PRKCE: variants seen among roughly 807,000 people sequenced by gnomAD.
The protein encoded by PRKCE is protein kinase C epsilon.
In PRKCE, 16 loss-of-function variants were observed where a neutral mutation model predicts 85.4. That is an observed-to-expected ratio of 0.19 (90% CI 0.13 to 0.28). The LOEUF (loss-of-function observed/expected upper bound fraction) is 0.28. PRKCE is among the 10% of genes least tolerant of loss of function. The probability of loss-of-function intolerance (pLI) is 1.00; values close to 1 mark genes in which losing one functional copy is unlikely to be tolerated. For missense variants in PRKCE, 573 were observed against 975.2 expected (o/e 0.59, Z 5.49); for synonymous variants, 388 against 371.5 (o/e 1.04, Z -0.51).
intron 2 of PRKCE, among the ~76,000 whole-genome samples, chr2:45,898,177 A>G (rs1035359350): frequency 1.3e-5 from 2 of 152,056 alleles, no homozygotes; most frequent in African/African-American, 4.8e-5. Flanking sequence ...TAAAATCACA[A>G]CTCATCGCTT....
intron 1 of PRKCE, among the ~76,000 whole-genome samples, chr2:45,657,342 A>C (rs1407850253): frequency 6.6e-6 from 1 of 152,160 alleles, no homozygotes; most frequent in Non-Finnish European, 1.5e-5. Context: ...ACCTTTAGCG[A>C]GTGACTTAAC....
intron 2 of PRKCE, chr2:45,851,716 A>G (rs1558751391): frequency 6.6e-6 from 1 of 152,262 alleles, no homozygotes; most frequent in Non-Finnish European, 1.5e-5. Flanking sequence ...AGAGGCTACA[A>G]GAGGCTCCAG....
chr2:46,072,106 A>G (rs1668131302), intron 10 of PRKCE, among the ~76,000 whole-genome samples: 1 of 152,256 alleles, frequency 6.6e-6, no homozygotes, highest in Non-Finnish European at 1.5e-5. Context: ...GTAAATCTGA[A>G]TGGAAATATG....
chr2:45,963,287 A>G lies in PRKCE; in HGVS notation c.413-13142A>G, dbSNP rs1045747994. The stretch of plus-strand genomic sequence containing the variant: ...TAATTACCAGCTCAGACTGGGTGGC[A>G]TAATAATCATCTTTACTTGTTTTTA... On this transcript the variant is annotated intron_variant, in intron 2 of 14. Coordinates refer to ENST00000306156, the MANE Select transcript of PRKCE (RefSeq NM_005400.3). 4.6e-5 allele frequency among the ~76,000 whole-genome samples: 7 copies of G among 152,180 alleles called. No homozygotes were observed. In the East Asian group the frequency reaches 1.2e-3, roughly 25 times the overall value.
intron 1 of PRKCE, among the ~76,000 whole-genome samples, chr2:45,823,786 T>A (rs1034346423): frequency 9.9e-5 from 15 of 152,264 alleles, no homozygotes; most frequent in African/African-American, 3.6e-4. Flanking sequence ...TCTGAGGGCA[T>A]GTCCAGCTTT....
At chr2:46,154,026 C>G (rs1676936378) in intron 13 of PRKCE, among the ~76,000 whole-genome samples, 2 of 152,042 alleles carry the variant, frequency 1.3e-5, no homozygotes, top group South Asian at 4.1e-4. Flanking sequence ...ACCTCGTGAT[C>G]CGCCCGCCTC....
At chr2:46,037,592 G>T (rs1274805107) in intron 10 of PRKCE, among the ~76,000 whole-genome samples, 2 of 152,152 alleles carry the variant, frequency 1.3e-5, no homozygotes, top group African/African-American at 4.8e-5. Flanking sequence ...TCAAAAGAGG[G>T]AGAAACATAC....
chr2:45,967,451 G>A (rs575598137), intron 2 of PRKCE, among the ~76,000 whole-genome samples: 2 of 152,280 alleles, frequency 1.3e-5, no homozygotes, highest in East Asian at 1.9e-4. Flanking sequence ...AGCAGAGGGA[G>A]AGAAGGGCAA....
intron 6 of PRKCE, among the ~76,000 whole-genome samples, chr2:45,999,489 A>G (rs1236552641): frequency 1.3e-5 from 2 of 150,936 alleles, no homozygotes; most frequent in Non-Finnish European, 3.0e-5. Flanking sequence ...TTTTCCTTTG[A>G]CTTCTTTCAG....
rs145804318 is a variant in PRKCE at position 45,870,814 on chromosome 2, G to C, written c.412+27751G>C. 2.6e-5 allele frequency among the ~76,000 whole-genome samples: 4 copies of C among 152,238 alleles called. No homozygotes were observed. In the East Asian group the frequency reaches 5.8e-4, roughly 22 times the overall value. ...TGGGGGTGCTAATTCTCTCTCCTTC[G>C]CTTGTAGTGGTCAAACGAGGTGAGT... On this transcript the variant is annotated intron_variant, in intron 2 of 14. Transcript: ENST00000306156.
At chr2:45,914,835 A>G (rs570714878) in intron 2 of PRKCE, among the ~76,000 whole-genome samples, 1 of 152,228 alleles carries the variant, frequency 6.6e-6, no homozygotes, top group African/African-American at 2.4e-5. Flanking sequence ...TGATCCATGC[A>G]TACGTAATAG....
At chr2:46,154,474 C>T (rs1370952689) in intron 13 of PRKCE, among the ~76,000 whole-genome samples, 15 of 141,566 alleles carry the variant, frequency 1.1e-4, no homozygotes, top group Admixed American at 5.0e-4. Context: ...CCAACCCCCC[C>T]GCCCGCCGCC....
intron 10 of PRKCE, among the ~76,000 whole-genome samples, chr2:46,057,577 G>C (rs1666708402): frequency 6.6e-6 from 1 of 151,990 alleles, no homozygotes; most frequent in South Asian, 2.1e-4. Flanking sequence ...TGGGATTACA[G>C]GCGCCACCAC....
chr2:46,116,464 A>G (rs1672776351), intron 11 of PRKCE, among the ~76,000 whole-genome samples: 1 of 152,216 alleles, frequency 6.6e-6, no homozygotes, highest in Non-Finnish European at 1.5e-5. Context: ...AAAAATGTGA[A>G]AGGAGATTGG....
chr2:45,917,714 A>C (rs533088398), intron 2 of PRKCE, among the ~76,000 whole-genome samples: 1,626 of 152,278 alleles, frequency 0.011, 38 homozygotes, highest in African/African-American at 0.037. Flanking sequence ...GGCGCCGTGG[A>C]GCAGGGGGCG....
intron 11 of PRKCE, among the ~76,000 whole-genome samples, chr2:46,112,742 A>T (rs1450924373): frequency 1.3e-5 from 2 of 150,986 alleles, no homozygotes; most frequent in African/African-American, 4.9e-5. Context: ...CTAGTCTCAA[A>T]CTCCTGACCT....
chr2:45,768,929 C>T (rs1205568483), intron 1 of PRKCE, among the ~76,000 whole-genome samples: 1 of 152,202 alleles, frequency 6.6e-6, no homozygotes, highest in Non-Finnish European at 1.5e-5. Context: ...CAGGACAGGG[C>T]TTAGCCACAG....
chr2:45,855,809 G>A (rs1485435214), intron 2 of PRKCE, among the ~76,000 whole-genome samples: 1 of 152,130 alleles, frequency 6.6e-6, no homozygotes, highest in East Asian at 1.9e-4. Context: ...GCTTCTCACT[G>A]CAGTGGGTGA....
chr2:45,859,910 A>G (rs1279048550), intron 2 of PRKCE, among the ~76,000 whole-genome samples: 1 of 152,212 alleles, frequency 6.6e-6, no homozygotes, highest in Non-Finnish European at 1.5e-5. Context: ...GCTCATTTTG[A>G]AAGTGAAGCA....
Sources: gnomAD v4.1 joint callset for allele counts (sites outside exome capture counted in the v4.1 genomes callset) on GRCh38, gnomAD v4.1.1 for gene constraint, MANE v1.5 for transcripts, NCBI Gene and HGNC (gene_info 2026-07-23, HGNC 2026-07-21) for gene names.